The following NELFCD variants were observed in gnomAD, a reference collection of about 807,000 sequenced individuals.
The protein encoded by NELFCD is negative elongation factor complex member C/D, also known as negative elongation factor C/D.
In NELFCD, 48 loss-of-function variants were observed where a neutral mutation model predicts 72.9. That is an observed-to-expected ratio of 0.66 (90% confidence interval 0.52 to 0.84). NELFCD has a LOEUF of 0.84. Ranked by LOEUF, NELFCD falls within the 40% of genes least tolerant of loss-of-function variation. The probability of loss-of-function intolerance (pLI) is 0.00; values close to 1 mark genes in which losing one functional copy is unlikely to be tolerated. For synonymous variants in NELFCD, 297 were observed against 280.6 expected (o/e 1.06, Z -0.59); for missense variants, 538 against 723.8 (o/e 0.74, Z 2.94).
chr20:58,986,802 T>C lies in NELFCD; in HGVS notation c.225T>C (p.Ser75=). The change falls in exon 3 of 15, where the codon TCT becomes TCC. Residue 75 remains serine (S), a synonymous_variant. Coordinates refer to ENST00000652272, the MANE Select transcript of NELFCD (RefSeq NM_198976.4). The surrounding 1 kb of genome is among the most constrained non-coding windows in gnomAD (Gnocchi z 4.4). ...GSPENVIQLL[S]ENYTAVAQTV... ...CAGAGAATGTTATCCAGCTCTTATC[T>C]GAAAACTACACCGCTGTGGCCCAGA... 1 of 1,614,112 alleles carries C rather than the reference T, an allele frequency of 6.2e-7. No individual in the cohort carries two copies. Among genetic ancestry groups the C allele is most frequent in the South Asian group, 1.1e-5 (1 of 91,080 alleles).
intron 1 of NELFCD, among the ~76,000 whole-genome samples, chr20:58,985,611 G>A (rs546610108): frequency 1.3e-5 from 2 of 152,162 alleles, no homozygotes; most frequent in African/African-American, 2.4e-5. Context: ...GGTAAGTGAT[G>A]GCTCACGCTT....
In NELFCD at chr20:58,986,039, T is replaced by G; in HGVS notation, c.61-54T>G. 2 of 1,129,510 alleles carry G rather than the reference T, an allele frequency of 1.8e-6. No individual in the cohort carries two copies. The highest frequency in any genetic ancestry group is 2.7e-6 in the Non-Finnish European group (2 of 737,476). The allele number at this position is 1,129,510 out of a possible 1,614,324, so 70.0% of individuals were successfully genotyped here. On this transcript the variant is annotated intron_variant, in intron 1 of 14. Transcript: ENST00000652272. The surrounding 1 kb of genome is among the most constrained non-coding windows in gnomAD (Gnocchi z 4.4). ...AGCATTATACGATTTAAGGTGAGAT[T>G]AGGGTATTTGTATTAATGAAAAAAA...
chr20:58,982,093 C>T (rs1269665336), intron 1 of NELFCD, among the ~76,000 whole-genome samples: 1 of 151,432 alleles, frequency 6.6e-6, no homozygotes, highest in African/African-American at 2.4e-5. Flanking sequence ...CGTCCCTCCC[C>T]TGGAGACGGC....
intron 5 of NELFCD, chr20:58,989,235 A>G: frequency 3.2e-6 from 2 of 620,122 alleles, no homozygotes; most frequent in Non-Finnish European, 5.6e-6. Context: ...CAGGGATACA[A>G]GAATTCTCTT....
At position 58,991,451 on chromosome 20, in the gene NELFCD, C is replaced by T; in HGVS notation, c.1089+5C>T. ...GTGGTTGAGACCTGGAAGAAGGTAC[C>T]ATCGGTTCTGGGAATTTGTGGATTT... On this transcript the variant is annotated splice_donor_5th_base_variant and intron_variant, in intron 9 of 14. Transcript: ENST00000652272. 1 of 1,614,010 alleles carries T rather than the reference C, an allele frequency of 6.2e-7. No individual in the cohort carries two copies. Among genetic ancestry groups the T allele is most frequent in the Non-Finnish European group, 8.5e-7 (1 of 1,180,004 alleles).
rs986740170 is a variant in NELFCD, at chr20:58,986,347, A to C, written c.176+139A>C. On this transcript the variant is annotated intron_variant, in intron 2 of 14. Transcript: ENST00000652272. The surrounding 1 kb of genome is among the most constrained non-coding windows in gnomAD (Gnocchi z 4.4). ...GCTTCAAGGGGGGGTCCCCTCTGCCACTTTTTTTTTTTTTTTAAATTTTTT... is the reference window on the plus strand; with the variant it reads ...GCTTCAAGGGGGGGTCCCCTCTGCCCCTTTTTTTTTTTTTTTAAATTTTTT... The C allele has an allele frequency of 2.2e-4, 127 of 589,270 alleles. No homozygotes were observed. Among genetic ancestry groups the C allele is most frequent in the Middle Eastern group, 4.4e-4 (1 of 2,266 alleles). 36.5% of individuals were successfully genotyped at this position (589,270 alleles called of 1,614,324 possible). A position where few individuals can be genotyped will look rare whatever the true frequency, so the allele number is the denominator to read the frequency against.
Position 58,994,092 on chromosome 20 carries a change from C to T in NELFCD, c.1582-18C>T, listed in dbSNP as rs139016764. The T allele has an allele frequency of 7.6e-4, 1,223 of 1,613,506 alleles. 8 individuals carry two copies. The African/African-American group carries it at 8.9e-3, about 12-fold the overall frequency. ...GCACTAGTGTGCGGAAGAAGTCACCCTGTGCTCCCCCACGCAGGTGCTGGA... is the reference window on the plus strand; with the variant it reads ...GCACTAGTGTGCGGAAGAAGTCACCTTGTGCTCCCCCACGCAGGTGCTGGA... On this transcript the variant is annotated intron_variant, in intron 13 of 14. Transcript: ENST00000652272.
chr20:58,994,913 C>G lies in NELFCD; in HGVS notation c.*237C>G. 1.9e-6 allele frequency: 1 copy of G among 529,160 alleles called. No homozygotes were observed. Among genetic ancestry groups the G allele is most frequent in the Admixed American group, 3.6e-5 (1 of 27,824 alleles). The allele number at this position is 529,160 out of a possible 1,614,324, so 32.8% of individuals were successfully genotyped here. ...GCTCCCAAATCCTGTTTTCAGTGTTCATTTCCCTCAAGGCAGGCGCTGGGC... is the reference window on the plus strand; with the variant it reads ...GCTCCCAAATCCTGTTTTCAGTGTTGATTTCCCTCAAGGCAGGCGCTGGGC... On this transcript the variant is annotated 3_prime_UTR_variant, in exon 15 of 15. Coordinates refer to ENST00000652272, the MANE Select transcript of NELFCD (RefSeq NM_198976.4).
At position 58,988,951 on chromosome 20, in the gene NELFCD, C is replaced by T. The variant is rs916708596; in HGVS notation, c.434C>T (p.Thr145Met). Reference sequence around the variant, plus strand: ...CTGGAACAGATGATTGCACATACCACGTGGCGGGACCTTTTTTATAAACTG... The same window carrying T: ...CTGGAACAGATGATTGCACATACCATGTGGCGGGACCTTTTTTATAAACTG... ...AWLEQMIAHT[T>M]WRDLFYKLAE... is the part of the protein sequence containing the mutation. The change falls in exon 5 of 15, where the codon ACG (threonine) becomes ATG (methionine). Residue 145 changes from threonine to methionine, a missense_variant. Physicochemically the swap from Thr to Met is moderately conservative, Grantham distance 81 (BLOSUM62 -1). Around this residue, in one of 3 missense-constraint regions of NELFCD, gnomAD observed 355 missense variants for 534.5 expected, o/e 0.66. Transcript: ENST00000652272. The T allele has an allele frequency of 5.6e-6, 9 of 1,614,074 alleles. No homozygotes were observed. Among genetic ancestry groups the T allele is most frequent in the Admixed American group, 1.7e-5 (1 of 60,012 alleles).
intron 5 of NELFCD, 123 bp from the exon 6 acceptor site, chr20:58,989,365 A>G (rs2146352464): frequency 8.8e-7 from 1 of 1,136,304 alleles, no homozygotes; most frequent in Non-Finnish European, 1.3e-6. Context: ...GGGCGGAGTG[A>G]AGGCCTGAGA....
At chr20:58,991,647 A>G in intron 9 of NELFCD, 1 of 746,648 alleles carries the variant, frequency 1.3e-6, no homozygotes, top group Non-Finnish European at 2.1e-6. Context: ...GCAAACCGTA[A>G]ATTGAAATGT....
At chr20:58,982,870 C>T (rs535357191) in intron 1 of NELFCD, among the ~76,000 whole-genome samples, 6 of 152,256 alleles carry the variant, frequency 3.9e-5, no homozygotes, top group South Asian at 4.1e-4. Context: ...GTGTGTCATG[C>T]GTTATCCCCT....
chr20:58,983,238 G>A (rs2091749178), intron 1 of NELFCD, among the ~76,000 whole-genome samples: 1 of 151,002 alleles, frequency 6.6e-6, no homozygotes, highest in Non-Finnish European at 1.5e-5. Context: ...CTGGGTTCAA[G>A]CAATTCTCCC....
Position 58,989,989 on chromosome 20 carries a change from G to A in NELFCD, c.788+1G>A. ...AAGTGCAGCGCTTTGCCCAGGAGAA[G>A]TGAGAGGCCCTGTTTCTGCTCAGCC... is the stretch of plus-strand genomic sequence containing the variant. On this transcript the variant is annotated splice_donor_variant, in intron 7 of 14. Transcript: ENST00000652272. LOFTEE classifies it high-confidence loss of function. 1 of 1,612,114 alleles carries A rather than the reference G, an allele frequency of 6.2e-7. No individual in the cohort carries two copies. Among genetic ancestry groups the A allele is most frequent in the Non-Finnish European group, 8.5e-7 (1 of 1,179,996 alleles).
At chr20:58,994,326 G>A (rs1601220166) in intron 14 of NELFCD, 87 bp downstream of exon 14, 1 of 1,409,200 alleles carries the variant, frequency 7.1e-7, no homozygotes, top group South Asian at 1.3e-5. Context: ...CACTTTGGGA[G>A]GCCAAGGTGG....
intron 7 of NELFCD, chr20:58,990,617 C>A: frequency 3.4e-6 from 1 of 293,796 alleles, no homozygotes; most frequent in Non-Finnish European, 6.4e-6. Context: ...GAAATAGTTG[C>A]TCAGCAATCT....
chr20:58,991,190 C>T lies in NELFCD; in HGVS notation c.954+115C>T. The T allele has an allele frequency of 1.9e-6, 3 of 1,551,804 alleles. No homozygotes were observed. In the South Asian group the frequency reaches 3.5e-5, roughly 18 times the overall value. Reference sequence around the variant, plus strand: ...CAAATCCATCATTGTCCTGGTCCTTCCTCAGTCACACTCTCTGCCTGGAGC... The same window carrying T: ...CAAATCCATCATTGTCCTGGTCCTTTCTCAGTCACACTCTCTGCCTGGAGC... On this transcript the variant is annotated intron_variant, in intron 8 of 14. Coordinates refer to ENST00000652272, the MANE Select transcript of NELFCD (RefSeq NM_198976.4).
In NELFCD at chr20:58,993,851, A is replaced by G; in HGVS notation, c.1581+87A>G. ...CTTAATTTAGTTCATTTTGTACCTA[A>G]CTGAGAACTGTGCTTTCTGATGTAG... is the stretch of plus-strand genomic sequence containing the variant. On this transcript the variant is annotated intron_variant, in intron 13 of 14. Coordinates refer to ENST00000652272, the MANE Select transcript of NELFCD (RefSeq NM_198976.4). The surrounding 1 kb of genome is among the most constrained non-coding windows in gnomAD (Gnocchi z 5.0). 7.1e-7 allele frequency: 1 copy of G among 1,403,578 alleles called. No homozygotes were observed. Among genetic ancestry groups the G allele is most frequent in the Non-Finnish European group, 9.9e-7 (1 of 1,015,094 alleles). 86.9% of individuals were successfully genotyped at this position (1,403,578 alleles called of 1,614,324 possible). A position where few individuals can be genotyped will look rare whatever the true frequency, so the allele number is the denominator to read the frequency against.
chr20:58,993,518 C>A lies in NELFCD; in HGVS notation c.1414C>A (p.His472Asn). 5.0e-6 allele frequency: 8 copies of A among 1,614,220 alleles called. No individual in the cohort carries two copies. The highest frequency in any genetic ancestry group is 6.8e-6 in the Non-Finnish European group (8 of 1,180,040). ...QLLVKLFETEHSQLDVMEQLE... is the reference protein window; with the variant it reads ...QLLVKLFETENSQLDVMEQLE... ...GCTTGTTAAGCTTTTTGAGACTGAG[C>A]ACTCCCAGCTGGACGTGATGGAGCA... The change falls in exon 12 of 15, where the codon CAC (histidine) becomes AAC (asparagine). Residue 472 changes from histidine to asparagine, a missense_variant. Transcript: ENST00000652272. This position sits in a 1 kb window ranked among gnomAD's most constrained non-coding sequence, Gnocchi z 5.0.
Sources: gnomAD v4.1 joint callset for allele counts (sites outside exome capture counted in the v4.1 genomes callset) on GRCh38, gnomAD v4.1.1 for gene constraint, gnomAD v4.1.1 regional missense constraint, Gnocchi (gnomAD v3.1) non-coding constraint, MANE v1.5 for transcripts, NCBI Gene and HGNC (gene_info 2026-07-23, HGNC 2026-07-21) for gene names.